The following RYR2 variants were observed in gnomAD, a reference collection of about 807,000 sequenced individuals.
RYR2 encodes the protein ryanodine receptor 2, also known as cardiac muscle ryanodine receptor-calcium release channel.
In RYR2, 227 loss-of-function variants were observed where a neutral mutation model predicts 601.1. The ratio of observed to expected loss-of-function variants is 0.38; its 90% CI spans 0.34 to 0.42. The LOEUF (loss-of-function observed/expected upper bound fraction) is 0.42, where lower values mean the gene tolerates loss of function less well. Among genes scored for constraint, RYR2 ranks in the 10% least tolerant of loss-of-function variants. The probability of loss-of-function intolerance (pLI) is 1.00; values close to 1 mark genes in which losing one functional copy is unlikely to be tolerated. For synonymous variants in RYR2, 2,223 were observed against 2,175.1 expected (o/e 1.02, Z -0.61); for missense variants, 4,646 against 6,156.5 (o/e 0.75, Z 8.21).
intron 65 of RYR2, among the ~76,000 whole-genome samples, chr1:237,701,384 A>G (rs1687956502): frequency 6.6e-6 from 1 of 152,112 alleles, no homozygotes; most frequent in African/African-American, 2.4e-5. Flanking sequence ...TACAAAAATT[A>G]GCTGGGCATG....
At chr1:237,234,205 C>T (rs1685306442) in intron 1 of RYR2, among the ~76,000 whole-genome samples, 1 of 152,146 alleles carries the variant, frequency 6.6e-6, no homozygotes, top group South Asian at 2.1e-4. Flanking sequence ...AGAATCAAGT[C>T]TCTCCCATGC....
At chr1:237,363,662 A>G (rs1184300551) in intron 4 of RYR2, among the ~76,000 whole-genome samples, 1 of 152,136 alleles carries the variant, frequency 6.6e-6, no homozygotes, top group Non-Finnish European at 1.5e-5. Context: ...AAGAAACTTT[A>G]GAGGTGTAAA....
At chr1:237,457,630 C>A (rs1373709825) in intron 16 of RYR2, among the ~76,000 whole-genome samples, 1 of 152,164 alleles carries the variant, frequency 6.6e-6, no homozygotes, top group Non-Finnish European at 1.5e-5. Flanking sequence ...ATCCTGAGCT[C>A]AGGGAGTGTG....
At position 237,180,745 on chromosome 1, in the gene RYR2, TAATA is replaced by T. The variant is rs1400170386; in HGVS notation, c.49-89747_49-89744del. Among the ~76,000 whole-genome samples, 2 of 148,018 alleles carry T rather than the reference TAATA, an allele frequency of 1.4e-5. No homozygotes were observed. The highest frequency in any genetic ancestry group is 1.9e-4 in the East Asian group (1 of 5,158). On this transcript the variant is annotated intron_variant, in intron 1 of 104. Transcript: ENST00000366574. The surrounding 1 kb of genome is among the most constrained non-coding windows in gnomAD (Gnocchi z 5.3). ...ATATACATAGATATATGCTATTATA[TAATA>T]AATATTAATATGTTAATAGTAATAT...
intron 28 of RYR2, among the ~76,000 whole-genome samples, chr1:237,568,162 G>C (rs1385467350): frequency 1.3e-5 from 2 of 152,152 alleles, no homozygotes; most frequent in African/African-American, 4.8e-5. Context: ...TTTGGGAACA[G>C]GCATGGGGTG....
chr1:237,657,999 C>A lies in RYR2; in HGVS notation c.8185C>A (p.His2729Asn). Residue 2729 changes from histidine to asparagine, a missense_variant, in exon 54 of 105, where the codon CAT (histidine) becomes AAT (asparagine). Physicochemically the swap from His to Asn is moderately conservative, Grantham distance 68. This residue lies in a region of RYR2 where 1,497 missense variants were observed against 1,842.6 expected (regional missense o/e 0.81). Coordinates refer to ENST00000366574, the MANE Select transcript of RYR2 (RefSeq NM_001035.3). ...CATTAACAAATATGCAGAACACTCC[C>A]ATGACAAATGGTCAATGGACAAGGT... ...YFINKYAEHSHDKWSMDKLAN... is the reference protein window; with the variant it reads ...YFINKYAEHSNDKWSMDKLAN... 6.6e-7 allele frequency: 1 copy of A among 1,507,260 alleles called. No individual in the cohort carries two copies. The highest frequency in any genetic ancestry group is 1.3e-5 in the South Asian group (1 of 76,858). The allele number at this position is 1,507,260 out of a possible 1,614,324, so 93.4% of individuals were successfully genotyped here. A position where few individuals can be genotyped will look rare whatever the true frequency, so the allele number is the denominator to read the frequency against.
At chr1:237,764,494 G>T (rs1011520058) in intron 84 of RYR2, among the ~76,000 whole-genome samples, 2 of 148,888 alleles carry the variant, frequency 1.3e-5, no homozygotes, top group East Asian at 4.0e-4. Flanking sequence ...TGTCGCCCAG[G>T]CTGGAGTGCA....
At chr1:237,370,006 A>G (rs966583950) in intron 6 of RYR2, among the ~76,000 whole-genome samples, 2 of 152,026 alleles carry the variant, frequency 1.3e-5, no homozygotes, top group Non-Finnish European at 2.9e-5. Flanking sequence ...TATTAATTGT[A>G]CTCACCAACT....
chr1:237,112,331 C>T (rs979862735), intron 1 of RYR2, among the ~76,000 whole-genome samples: 1 of 152,156 alleles, frequency 6.6e-6, no homozygotes, highest in Non-Finnish European at 1.5e-5. Context: ...TCAGGCTGGT[C>T]TCGAACTCCT....
chr1:237,165,858 C>T (rs574201949), intron 1 of RYR2, among the ~76,000 whole-genome samples: 1 of 152,114 alleles, frequency 6.6e-6, no homozygotes, highest in Non-Finnish European at 1.5e-5. Context: ...AAAAATTAGC[C>T]AGGCCTGGTG....
At chr1:237,658,584 G>A (rs570971030) in intron 54 of RYR2, among the ~76,000 whole-genome samples, 11 of 152,146 alleles carry the variant, frequency 7.2e-5, no homozygotes, top group African/African-American at 2.4e-4. Flanking sequence ...ATAGAGATGA[G>A]ATCTTGCTAT....
At position 237,739,670 on chromosome 1, in the gene RYR2, G is replaced by A. The variant is rs182866787; in HGVS notation, c.11092-2626G>A. Among the ~76,000 whole-genome samples, 42 of 152,188 alleles carry A rather than the reference G, an allele frequency of 2.8e-4. 2 individuals carry two copies. In the East Asian group the frequency reaches 7.5e-3, roughly 27 times the overall value. ...CTTGGTTAAAAGTATAAAATGCTGC[G>A]GTCACATTCTTATGAGTTTCTCTCT... On this transcript the variant is annotated intron_variant, in intron 79 of 104. Transcript: ENST00000366574.
chr1:237,657,903 T>C, intron 53 of RYR2, 41 bp from the exon 54 acceptor site: 1 of 1,082,392 alleles, frequency 9.2e-7, no homozygotes, highest in Non-Finnish European at 1.3e-6. Context: ...TCCTGTAAAT[T>C]CTGTGAAAAT....
intron 38 of RYR2, among the ~76,000 whole-genome samples, chr1:237,618,277 A>G (rs1678697652): frequency 6.6e-6 from 1 of 152,298 alleles, no homozygotes; most frequent in Admixed American, 6.5e-5. Flanking sequence ...TGAGCAGAGA[A>G]CAGGTCCAGC....
At chr1:237,503,170 G>A in intron 21 of RYR2, 119 bp from the exon 22 acceptor site, 1 of 832,684 alleles carries the variant, frequency 1.2e-6, no homozygotes, top group Non-Finnish European at 1.9e-6. Context: ...GTACGTAGGG[G>A]AAAATGTGGC....
At chr1:237,451,345 G>A (rs898251575) in intron 14 of RYR2, among the ~76,000 whole-genome samples, 19 of 152,086 alleles carry the variant, frequency 1.2e-4, no homozygotes, top group African/African-American at 4.6e-4. Flanking sequence ...GCTGAAGCCG[G>A]CACATCACTT....
At chr1:237,160,706 A>C (rs1296398566) in intron 1 of RYR2, among the ~76,000 whole-genome samples, 1 of 152,100 alleles carries the variant, frequency 6.6e-6, no homozygotes, top group East Asian at 1.9e-4. Context: ...GAGATTTTAC[A>C]GACTCAAGGT....
intron 16 of RYR2, among the ~76,000 whole-genome samples, chr1:237,466,809 A>G (rs898025900): frequency 1.3e-5 from 2 of 151,606 alleles, no homozygotes; most frequent in African/African-American, 2.4e-5. Flanking sequence ...CTAATTTTTG[A>G]TATTTATTAG....
chr1:237,408,847 C>T (rs1704164514), intron 10 of RYR2, among the ~76,000 whole-genome samples: 1 of 152,068 alleles, frequency 6.6e-6, no homozygotes, highest in African/African-American at 2.4e-5. Context: ...TTTTGTTTGA[C>T]TTTTTAAATC....
Sources: allele counts gnomAD v4.1 joint callset (sites outside exome capture counted in the v4.1 genomes callset), GRCh38; gene constraint gnomAD v4.1.1; regional missense constraint gnomAD v4.1.1; non-coding constraint Gnocchi (gnomAD v3.1); transcripts MANE v1.5; gene names NCBI Gene and HGNC (gene_info 2026-07-23, HGNC 2026-07-21).